Variants in RGL1 observed in about 807,000 individuals in gnomAD.
RGL1 encodes ral guanine nucleotide dissociation stimulator like 1, also known as ral guanine nucleotide dissociation stimulator-like 1.
RGL1 carries 24 observed loss-of-function variants against 95.2 expected under a neutral mutation model. The observed-to-expected ratio is 0.25, with a 90% CI of 0.18 to 0.35. RGL1 has a LOEUF of 0.35. Among genes scored for constraint, RGL1 ranks in the 10% least tolerant of loss-of-function variants. The pLI is 1.00. For synonymous variants in RGL1, 329 were observed against 344.9 expected (o/e 0.95, Z 0.51); for missense variants, 715 against 936.3 (o/e 0.76, Z 3.08).
chr1:183,821,231 A>G (rs1283176711), intron 2 of RGL1, among the ~76,000 whole-genome samples: 1 of 152,220 alleles, frequency 6.6e-6, no homozygotes, highest in African/African-American at 2.4e-5. Context: ...GGCTAGCATT[A>G]TATTTCTACT....
At chr1:183,815,151 G>A (rs755267613) in intron 2 of RGL1, among the ~76,000 whole-genome samples, 1 of 152,150 alleles carries the variant, frequency 6.6e-6, no homozygotes, top group Non-Finnish European at 1.5e-5. Context: ...GCATGTGCCT[G>A]TAATCCCAGC....
chr1:183,742,066 A>T, intron 1 of RGL1: 1 of 1,412,320 alleles, frequency 7.1e-7, no homozygotes, highest in Non-Finnish European at 9.8e-7. Flanking sequence ...ATTTGCTTCG[A>T]TGTCTCTTTT....
chr1:183,642,844 A>G (rs1342026512), intron 1 of RGL1, among the ~76,000 whole-genome samples: 2 of 152,230 alleles, frequency 1.3e-5, no homozygotes, highest in African/African-American at 4.8e-5. Context: ...GAAGTGTACA[A>G]TTAAGTAGTA....
intron 3 of RGL1, among the ~76,000 whole-genome samples, chr1:183,848,983 TATATG>T (rs1664631029): frequency 6.6e-6 from 1 of 152,330 alleles, no homozygotes; most frequent in African/African-American, 2.4e-5. Context: ...GTATGTCATA[TATATG>T]ATATGTTTAT....
chr1:183,678,073 T>C (rs1234924912), intron 1 of RGL1, among the ~76,000 whole-genome samples: 4 of 152,190 alleles, frequency 2.6e-5, no homozygotes, highest in African/African-American at 4.8e-5. Context: ...TTAAAGCAGA[T>C]GTGGATGAGG....
At chr1:183,707,472 G>A (rs373128562) in intron 1 of RGL1, among the ~76,000 whole-genome samples, 4 of 152,184 alleles carry the variant, frequency 2.6e-5, no homozygotes, top group Non-Finnish European at 4.4e-5. Flanking sequence ...TAGCACAGGC[G>A]CTGAAGTAAG....
chr1:183,693,601 A>G (rs547822030), intron 1 of RGL1, among the ~76,000 whole-genome samples: 27 of 150,124 alleles, frequency 1.8e-4, no homozygotes, highest in South Asian at 1.7e-3. Context: ...TTTGGTCACA[A>G]GTGCCTACTG....
chr1:183,896,130 CAG>C (rs1052328805), intron 9 of RGL1, among the ~76,000 whole-genome samples: 3 of 152,230 alleles, frequency 2.0e-5, no homozygotes, highest in African/African-American at 7.2e-5. Flanking sequence ...TTATTCAAGT[CAG>C]ACATAATTGA....
intron 1 of RGL1, 36 bp from the exon 2 acceptor site, chr1:183,806,339 T>TA (rs1661334700): frequency 1.3e-6 from 2 of 1,544,350 alleles, no homozygotes; most frequent in Non-Finnish European, 8.9e-7. Context: ...AGGAAAAAAA[T>TA]ACTCTTTTTC....
At chr1:183,770,266 CA>C (rs527354056) in intron 2 of RGL1, among the ~76,000 whole-genome samples, 197 of 152,326 alleles carry the variant, frequency 1.3e-3, no homozygotes, top group Admixed American at 4.1e-3. Flanking sequence ...TGACAAATTT[CA>C]AAGGCTGTTC....
intron 2 of RGL1, among the ~76,000 whole-genome samples, chr1:183,750,046 C>T (rs549154230): frequency 2.0e-5 from 3 of 152,230 alleles, no homozygotes; most frequent in East Asian, 1.9e-4. Context: ...CTTGGGGTTG[C>T]TCCTCTTGAG....
chr1:183,779,773 A>G (rs1396599724), intron 2 of RGL1, among the ~76,000 whole-genome samples: 1 of 152,112 alleles, frequency 6.6e-6, no homozygotes, highest in African/African-American at 2.4e-5. Context: ...AAGTTTGAGG[A>G]AAGATAGTTT....
intron 2 of RGL1, among the ~76,000 whole-genome samples, chr1:183,840,443 T>C (rs1478582336): frequency 1.3e-5 from 2 of 152,166 alleles, no homozygotes; most frequent in African/African-American, 4.8e-5. Context: ...TTCCAATTCC[T>C]TTAGTTCAAA....
intron 2 of RGL1, among the ~76,000 whole-genome samples, chr1:183,825,141 A>G (rs1446954601): frequency 1.3e-5 from 2 of 152,154 alleles, no homozygotes; most frequent in Non-Finnish European, 2.9e-5. Flanking sequence ...AGAAACAGGG[A>G]TTCTGTGAAG....
At chr1:183,834,646 A>G (rs1391409047) in intron 2 of RGL1, among the ~76,000 whole-genome samples, 4 of 152,016 alleles carry the variant, frequency 2.6e-5, no homozygotes, top group Admixed American at 1.3e-4. Flanking sequence ...TTAGTACCTC[A>G]TTTGAGTTCT....
intron 2 of RGL1, among the ~76,000 whole-genome samples, chr1:183,819,271 C>T (rs1017417857): frequency 1.3e-5 from 2 of 152,112 alleles, no homozygotes; most frequent in Non-Finnish European, 2.9e-5. Flanking sequence ...AAGGTTATGC[C>T]CATAATGATG....
chr1:183,794,611 T>A (rs1189829685), intron 2 of RGL1, among the ~76,000 whole-genome samples: 2 of 152,224 alleles, frequency 1.3e-5, no homozygotes, highest in East Asian at 1.9e-4. Context: ...GAAAATTTTT[T>A]AAAAATCTGC....
rs1003301801 is a variant in RGL1 at position 183,718,439 on chromosome 1, CTT to C, written c.-32-23683_-32-23682del. On this transcript the variant is annotated intron_variant, in intron 1 of 18. Coordinates refer to the RGL1 transcript ENST00000304685. ...CAAATATTTAAACTTACAATGAAAA[CTT>C]TTTCATATCAACCTAAAATGAACAA... Among the ~76,000 whole-genome samples the C allele has an allele frequency of 3.3e-5, 5 of 152,082 alleles. No individual in the cohort carries two copies. In the South Asian group the frequency reaches 6.2e-4, roughly 19 times the overall value.
intron 13 of RGL1, among the ~76,000 whole-genome samples, chr1:183,905,420 ATGGGT>A: frequency 1.1e-5 from 1 of 89,512 alleles, no homozygotes; most frequent in Non-Finnish European, 2.9e-5. Context: ...TTGAAATATG[ATGGGT>A]AACTACATTC....
Sources: gnomAD v4.1 joint callset for allele counts (sites outside exome capture counted in the v4.1 genomes callset) on GRCh38, gnomAD v4.1.1 for gene constraint, MANE v1.5 for transcripts, NCBI Gene and HGNC (gene_info 2026-07-23, HGNC 2026-07-21) for gene names.